KCND2: variants seen among roughly 807,000 people sequenced by gnomAD.
KCND2 encodes the protein A-type voltage-gated potassium channel KCND2.
In KCND2, 16 loss-of-function variants were observed where a neutral mutation model predicts 54.4. That is an observed-to-expected ratio of 0.29 (90% confidence interval 0.20 to 0.45). The LOEUF (loss-of-function observed/expected upper bound fraction) is 0.45, where lower values mean the gene tolerates loss of function less well. Among genes scored for constraint, KCND2 ranks in the 20% least tolerant of loss-of-function variants. The pLI is 1.00. For missense variants in KCND2, 486 were observed against 824.2 expected (o/e 0.59, Z 5.02); for synonymous variants, 317 against 310.7 (o/e 1.02, Z -0.21).
rs555285049 is a variant in KCND2, at chr7:120,362,629, T to C, written c.1115+86882T>C. On this transcript the variant is annotated intron_variant, in intron 1 of 5. Coordinates refer to ENST00000331113, the MANE Select transcript of KCND2 (RefSeq NM_012281.3). ...GAGCTCTGGGTTCTAGCTCGAGCTC[T>C]GTAATAACTAGATGACTGACCTTTT... is the stretch of plus-strand genomic sequence containing the variant. 1.2e-4 allele frequency among the ~76,000 whole-genome samples: 18 copies of C among 152,196 alleles called. No individual in the cohort carries two copies. In the South Asian group the frequency reaches 2.3e-3, roughly 19 times the overall value.
chr7:120,506,952 A>G (rs1355441883), intron 1 of KCND2, among the ~76,000 whole-genome samples: 1 of 151,858 alleles, frequency 6.6e-6, no homozygotes, highest in South Asian at 2.1e-4. Context: ...CAAAAAAGAA[A>G]GAGCCAAGGA....
intron 1 of KCND2, among the ~76,000 whole-genome samples, chr7:120,673,557 T>C (rs2116576480): frequency 6.6e-6 from 1 of 152,174 alleles, no homozygotes; most frequent in South Asian, 2.1e-4. Context: ...CCATCCTCCT[T>C]CTCCATATCA....
chr7:120,295,347 A>AACACAC (rs56748699), intron 1 of KCND2, among the ~76,000 whole-genome samples: 21 of 141,400 alleles, frequency 1.5e-4, no homozygotes, highest in Non-Finnish European at 2.5e-4. Flanking sequence ...GTCATAGAGT[A>AACACAC]ACACACACAC....
chr7:120,732,128 G>C (rs943016826), intron 1 of KCND2, among the ~76,000 whole-genome samples: 1 of 152,054 alleles, frequency 6.6e-6, no homozygotes, highest in Non-Finnish European at 1.5e-5. Context: ...CTATGAGATT[G>C]GACAAAGTCA....
intron 1 of KCND2, among the ~76,000 whole-genome samples, chr7:120,343,480 A>G (rs1800271208): frequency 6.6e-6 from 1 of 152,144 alleles, no homozygotes; most frequent in East Asian, 1.9e-4. Flanking sequence ...GCTGGAATAC[A>G]TTTTTTATGG....
chr7:120,630,201 CA>C (rs1170563152), intron 1 of KCND2, among the ~76,000 whole-genome samples: 1 of 152,136 alleles, frequency 6.6e-6, no homozygotes, highest in Non-Finnish European at 1.5e-5. Flanking sequence ...ATGCACCAGA[CA>C]CAAACAGTAG....
At chr7:120,475,464 T>A (rs10279267) in intron 1 of KCND2, among the ~76,000 whole-genome samples, 59,290 of 152,088 alleles carry the variant, frequency 0.39, 16,388 homozygotes, top group African/African-American at 0.78. Context: ...CTTAAAATTT[T>A]AGTAATTTTT....
At chr7:120,294,161 T>A (rs1171203086) in intron 1 of KCND2, among the ~76,000 whole-genome samples, 1 of 151,980 alleles carries the variant, frequency 6.6e-6, no homozygotes, top group African/African-American at 2.4e-5. Flanking sequence ...TTCATCTTAG[T>A]ACAGAAGGAA....
At chr7:120,496,838 T>TA (rs1802855394) in intron 1 of KCND2, among the ~76,000 whole-genome samples, 1 of 152,216 alleles carries the variant, frequency 6.6e-6, no homozygotes. Flanking sequence ...TAGTTTTGTT[T>TA]TACCTTTACT....
chr7:120,658,141 C>T (rs537150461), intron 1 of KCND2, among the ~76,000 whole-genome samples: 9 of 152,208 alleles, frequency 5.9e-5, no homozygotes, highest in South Asian at 4.2e-4. Flanking sequence ...AAGAAAATTG[C>T]ACGTGGGTTC....
intron 1 of KCND2, among the ~76,000 whole-genome samples, chr7:120,547,356 C>G (rs898985313): frequency 1.3e-5 from 2 of 151,912 alleles, no homozygotes; most frequent in Admixed American, 6.6e-5. Context: ...TGAAGAGGTT[C>G]TGCCTCTGAT....
chr7:120,675,487 G>C (rs1233761901), intron 1 of KCND2, among the ~76,000 whole-genome samples: 2 of 151,768 alleles, frequency 1.3e-5, no homozygotes, highest in African/African-American at 4.8e-5. Flanking sequence ...CTGCCTGCCT[G>C]GGCCTCCCGA....
chr7:120,684,872 A>G (rs533232723), intron 1 of KCND2, among the ~76,000 whole-genome samples: 56 of 152,176 alleles, frequency 3.7e-4, no homozygotes, highest in Non-Finnish European at 6.9e-4. Context: ...ATGAGAATCT[A>G]ATGTCTGATA....
At chr7:120,576,761 G>T (rs1026176538) in intron 1 of KCND2, among the ~76,000 whole-genome samples, 8 of 152,174 alleles carry the variant, frequency 5.3e-5, no homozygotes, top group South Asian at 2.1e-4. Flanking sequence ...GACTGATAAA[G>T]ACTGATGTGC....
intron 1 of KCND2, among the ~76,000 whole-genome samples, chr7:120,357,748 G>A (rs940630817): frequency 6.6e-6 from 1 of 152,098 alleles, no homozygotes; most frequent in African/African-American, 2.4e-5. Flanking sequence ...GCACCAGCTG[G>A]TTTGGTTTCT....
Position 120,282,092 on chromosome 7 carries a change from A to T in KCND2, c.1115+6345A>T, listed in dbSNP as rs561744900. Among the ~76,000 whole-genome samples the T allele has an allele frequency of 5.9e-5, 9 of 152,242 alleles. No homozygotes were observed. The South Asian group carries it at 1.2e-3, about 21-fold the overall frequency. On this transcript the variant is annotated intron_variant, in intron 1 of 5. Coordinates refer to ENST00000331113, the MANE Select transcript of KCND2 (RefSeq NM_012281.3). ...CTGGTGAAGTCCAGGTAAATTGCGG[A>T]TGCCTTTGGGAAGCATATGGAGATG...
intron 1 of KCND2, among the ~76,000 whole-genome samples, chr7:120,302,101 A>G (rs1221507950): frequency 1.3e-5 from 2 of 152,192 alleles, no homozygotes; most frequent in East Asian, 3.8e-4. Context: ...CATATGATAT[A>G]AAGATCTTTA....
chr7:120,564,548 A>G (rs1369328265), intron 1 of KCND2, among the ~76,000 whole-genome samples: 1 of 152,144 alleles, frequency 6.6e-6, no homozygotes, highest in Non-Finnish European at 1.5e-5. Flanking sequence ...ACAACCTTAA[A>G]AATTAACCTA....
intron 1 of KCND2, among the ~76,000 whole-genome samples, chr7:120,325,782 G>C (rs1799965500): frequency 6.6e-6 from 1 of 152,054 alleles, no homozygotes; most frequent in Non-Finnish European, 1.5e-5. Context: ...AGTGGTGTTG[G>C]TTTGAGTTGA....
Sources: gnomAD v4.1 joint callset for allele counts (sites outside exome capture counted in the v4.1 genomes callset) on GRCh38, gnomAD v4.1.1 for gene constraint, MANE v1.5 for transcripts, NCBI Gene and HGNC (gene_info 2026-07-23, HGNC 2026-07-21) for gene names.